SAFB: variants seen among roughly 807,000 people sequenced by gnomAD.
SAFB encodes scaffold attachment factor B1.
A neutral mutation model predicts 101.6 loss-of-function variants in SAFB; 15 were observed. The observed-to-expected ratio is 0.15, with a 90% confidence interval of 0.10 to 0.23. The LOEUF (loss-of-function observed/expected upper bound fraction) is 0.23, where lower values mean the gene tolerates loss of function less well. Ranked by LOEUF, SAFB falls within the 10% of genes least tolerant of loss-of-function variation. The pLI, the probability that SAFB is intolerant of heterozygous loss-of-function variation, is 1.00. For missense variants in SAFB, 930 were observed against 1,104.1 expected (o/e 0.84, Z 2.23); for synonymous variants, 449 against 407.5 (o/e 1.10, Z -1.23).
At chr19:5,657,492 A>G (rs968757285) in intron 14 of SAFB, 145 bp downstream of exon 14, 9 of 593,132 alleles carry the variant, frequency 1.5e-5, no homozygotes, top group Non-Finnish European at 2.7e-5. Context: ...TAGACTTGTT[A>G]TGTTTTAACT....
intron 15 of SAFB, among the ~76,000 whole-genome samples, chr19:5,663,385 T>C (rs1443529545): frequency 6.6e-6 from 1 of 152,238 alleles, no homozygotes; most frequent in Non-Finnish European, 1.5e-5. Context: ...AGGAGTCAGG[T>C]GTGTAATTCC....
intron 2 of SAFB, among the ~76,000 whole-genome samples, chr19:5,633,737 C>T (rs969364687): frequency 4.0e-5 from 6 of 151,730 alleles, no homozygotes; most frequent in Non-Finnish European, 7.4e-5. Flanking sequence ...CGAGATTGCG[C>T]CACTGCACTC....
chr19:5,654,519 G>A (rs931289303), intron 13 of SAFB, 63 bp downstream of exon 13: 28 of 970,144 alleles, frequency 2.9e-5, no homozygotes, highest in African/African-American at 1.8e-4. Context: ...TTCTGTGTGC[G>A]TCTTAGGGAA....
At chr19:5,652,757 C>A (rs2053967811) in intron 9 of SAFB, among the ~76,000 whole-genome samples, 1 of 150,996 alleles carries the variant, frequency 6.6e-6, no homozygotes, top group Non-Finnish European at 1.5e-5. Context: ...TCTTTTTTTG[C>A]CCACATTACA....
intron 5 of SAFB, among the ~76,000 whole-genome samples, chr19:5,646,197 T>G (rs939636034): frequency 3.3e-5 from 5 of 152,196 alleles, no homozygotes; most frequent in Non-Finnish European, 5.9e-5. Context: ...TTTCCCGTCT[T>G]CTTTTTAAAT....
At chr19:5,623,448 C>T (rs2053240233) in intron 1 of SAFB, 54 bp downstream of exon 1, 1 of 1,491,982 alleles carries the variant, frequency 6.7e-7, no homozygotes, top group Admixed American at 2.1e-5. Flanking sequence ...TCCTCTTGGC[C>T]GCGACGGTGG....
At position 5,667,232 on chromosome 19, in the gene SAFB, GA is replaced by G; in HGVS notation, c.2453+69del. On this transcript the variant is annotated intron_variant, in intron 18 of 20. Coordinates refer to ENST00000588852, the MANE Select transcript of SAFB (RefSeq NM_001201338.2). The surrounding 1 kb of genome is among the most constrained non-coding windows in gnomAD (Gnocchi z 4.0). Reference sequence around the variant, plus strand: ...CACAAGGGGGCCCGCAAGTCGCTGGGATGTGGGCACAGGGTGGGAAACACAG... The same window carrying G: ...CACAAGGGGGCCCGCAAGTCGCTGGGTGTGGGCACAGGGTGGGAAACACAG... The G allele has an allele frequency of 7.9e-7, 1 of 1,259,756 alleles. No homozygotes were observed. The highest frequency in any genetic ancestry group is 1.1e-6 in the Non-Finnish European group (1 of 907,056). The allele number at this position is 1,259,756 out of a possible 1,614,324, so 78.0% of individuals were successfully genotyped here.
intron 5 of SAFB, among the ~76,000 whole-genome samples, chr19:5,646,620 A>C (rs1480634156): frequency 1.3e-5 from 2 of 152,242 alleles, no homozygotes; most frequent in African/African-American, 4.8e-5. Flanking sequence ...GGTAGGGTAC[A>C]TGGGGAAAAA....
intron 2 of SAFB, among the ~76,000 whole-genome samples, chr19:5,638,163 A>C (rs2053632639): frequency 6.6e-6 from 1 of 152,174 alleles, no homozygotes; most frequent in South Asian, 2.1e-4. Flanking sequence ...AATGTTATAA[A>C]TCATCAATTA....
At chr19:5,631,719 A>T (rs1425224168) in intron 2 of SAFB, among the ~76,000 whole-genome samples, 1 of 152,178 alleles carries the variant, frequency 6.6e-6, no homozygotes, top group Non-Finnish European at 1.5e-5. Context: ...ATTCCACATG[A>T]CGTGACTCTC....
chr19:5,656,992 C>T (rs933489683), intron 13 of SAFB, among the ~76,000 whole-genome samples: 3 of 151,870 alleles, frequency 2.0e-5, no homozygotes, highest in African/African-American at 7.3e-5. Context: ...AAGATGGTCT[C>T]AATCTCCTGA....
At chr19:5,633,912 T>C (rs2053543524) in intron 2 of SAFB, among the ~76,000 whole-genome samples, 2 of 152,254 alleles carry the variant, frequency 1.3e-5, no homozygotes, top group South Asian at 4.1e-4. Context: ...AATTAAGTAC[T>C]GTTAAAGCAA....
chr19:5,663,889 C>G, intron 15 of SAFB, 133 bp from the exon 16 acceptor site: 2 of 947,436 alleles, frequency 2.1e-6, no homozygotes, highest in Non-Finnish European at 3.2e-6. Flanking sequence ...TCAGACCTTG[C>G]CTCCTATAGG....
At chr19:5,624,134 C>T (rs1335119868) in intron 1 of SAFB, 1 of 151,014 alleles carries the variant, frequency 6.6e-6, no homozygotes, top group Admixed American at 6.6e-5. Flanking sequence ...CTCCGTCAGT[C>T]TCTCTGGACT....
chr19:5,636,314 A>G (rs371633594), intron 2 of SAFB, among the ~76,000 whole-genome samples: 2 of 152,280 alleles, frequency 1.3e-5, no homozygotes, highest in Non-Finnish European at 2.9e-5. Flanking sequence ...TACGTATCAT[A>G]GAATTGTAGC....
chr19:5,642,903 G>A (rs1440695595), intron 4 of SAFB, among the ~76,000 whole-genome samples: 1 of 151,910 alleles, frequency 6.6e-6, no homozygotes, highest in Non-Finnish European at 1.5e-5. Flanking sequence ...TTGACCTCAG[G>A]TGATCCGCCT....
At chr19:5,639,433 C>G (rs1354365371) in intron 2 of SAFB, among the ~76,000 whole-genome samples, 1 of 152,172 alleles carries the variant, frequency 6.6e-6, no homozygotes, top group African/African-American at 2.4e-5. Flanking sequence ...TGGCTCATGT[C>G]TGTAATCCCA....
intron 1 of SAFB, among the ~76,000 whole-genome samples, chr19:5,625,157 A>G (rs2053330219): frequency 6.6e-6 from 1 of 152,172 alleles, no homozygotes; most frequent in Non-Finnish European, 1.5e-5. Flanking sequence ...CACCCAAGCC[A>G]GTCTGGAGTT....
chr19:5,664,075 A>G lies in SAFB; in HGVS notation c.2207A>G (p.Tyr736Cys). The G allele has an allele frequency of 6.2e-7, 1 of 1,614,002 alleles. No individual in the cohort carries two copies. Among genetic ancestry groups the G allele is most frequent in the Non-Finnish European group, 8.5e-7 (1 of 1,180,008 alleles). Reference sequence around the variant, plus strand: ...AAGCGGGCCGCCCTGGATGAGCGCTACCATTCTGACTTTAACCGCCAGGAC... The same window carrying G: ...AAGCGGGCCGCCCTGGATGAGCGCTGCCATTCTGACTTTAACCGCCAGGAC... ...EAKRAALDER[Y>C]HSDFNRQDRF... The change falls in exon 16 of 21, where the codon TAC becomes TGC. Residue 736 changes from tyrosine (Y) to cysteine (C), a missense_variant. Physicochemically the swap from Tyr to Cys is radical, Grantham distance 194 (BLOSUM62 -2). This residue lies in a region of SAFB where 318 missense variants were observed against 342.6 expected (regional missense o/e 0.93). Transcript: ENST00000588852.
Sources: allele counts gnomAD v4.1 joint callset (sites outside exome capture counted in the v4.1 genomes callset), GRCh38; gene constraint gnomAD v4.1.1; regional missense constraint gnomAD v4.1.1; non-coding constraint Gnocchi (gnomAD v3.1); transcripts MANE v1.5; gene names NCBI Gene and HGNC (gene_info 2026-07-23, HGNC 2026-07-21).